The following SHROOM4 variants were observed in gnomAD, a reference collection of about 807,000 sequenced individuals.
SHROOM4 encodes the protein protein Shroom4.
Under a neutral mutation model 80.3 loss-of-function variants are expected in SHROOM4, and 17 were observed. The ratio of observed to expected loss-of-function variants is 0.21; its 90% CI spans 0.14 to 0.32. SHROOM4 has a LOEUF of 0.32. SHROOM4 is among the 10% of genes least tolerant of loss of function. The pLI, the probability that SHROOM4 is intolerant of heterozygous loss-of-function variation, is 1.00. For synonymous variants in SHROOM4, 400 were observed against 437.5 expected (o/e 0.91, Z 1.07); for missense variants, 993 against 1,140.3 (o/e 0.87, Z 1.86).
chrX:50,718,903 C>T (rs1203981947), intron 1 of SHROOM4, among the ~76,000 whole-genome samples: 1 of 111,403 alleles, frequency 9.0e-6, no homozygotes, highest in African/African-American at 3.3e-5. Flanking sequence ...CACATGCATG[C>T]TTGTGTGCAG....
At chrX:50,793,260 T>C (rs1935889334) in intron 1 of SHROOM4, among the ~76,000 whole-genome samples, 1 of 110,024 alleles carries the variant, frequency 9.1e-6, no homozygotes, top group African/African-American at 3.3e-5. Flanking sequence ...GAGAGTAGAA[T>C]GTTGGTTGCC....
rs782153569 is a variant in SHROOM4 at position 50,607,724 on chromosome X, CTT to C, written c.3416_3417del (p.Glu1139GlyfsTer38). On this transcript the variant is annotated frameshift_variant, in exon 6 of 9. Transcript: ENST00000376020. LOFTEE classifies it high-confidence loss of function. ...TCCTCTTCCTCTTCCTCTTCTTCTT[CTT>C]CTTCCTCCTCCTCCTCCTCCTCCTG... ...KQQEEEEEEEEEEEEEEEEEE... is the reference protein window; with the variant it reads ...KQQEEEEEEEXEEEEEEEEEE... 1.3e-5 allele frequency: 15 copies of C among 1,175,372 alleles called. No individual in the cohort carries two copies. Among genetic ancestry groups the C allele is most frequent in the Middle Eastern group, 2.4e-4 (1 of 4,143 alleles).
Position 50,695,776 on chromosome X carries a change from T to C in SHROOM4, c.269+10A>G, listed in dbSNP as rs1933351789. On this transcript the variant is annotated intron_variant, in intron 2 of 8. Transcript: ENST00000376020. Reference sequence around the variant, plus strand: ...CTCTGCACCTTACGGAGAATCTCCCTGTACCTTACCTCCTGACAATCAGCT... The same window carrying C: ...CTCTGCACCTTACGGAGAATCTCCCCGTACCTTACCTCCTGACAATCAGCT... 1.7e-6 allele frequency: 2 copies of C among 1,211,642 alleles called. No individual in the cohort carries two copies. The highest frequency in any genetic ancestry group is 2.2e-6 in the Non-Finnish European group (2 of 895,236).
chrX:50,686,562 A>G (rs1014913691), intron 2 of SHROOM4, among the ~76,000 whole-genome samples: 6 of 111,653 alleles, frequency 5.4e-5, no homozygotes, highest in South Asian at 3.7e-4. Context: ...TGCTTAGCAC[A>G]TAGTTTTCAA....
chrX:50,814,053 T>G lies in SHROOM4; in HGVS notation c.-35A>C, dbSNP rs2147762198. ...GGCTCAGGCGCCGCCGGGCTCCTTT[T>G]CCGAGGGGGCTACGTTGCCTCCGCC... On this transcript the variant is annotated 5_prime_UTR_variant, in exon 1 of 9. Transcript: ENST00000376020. 1 of 1,047,678 alleles carries G rather than the reference T, an allele frequency of 9.5e-7. No homozygotes were observed. The highest frequency in any genetic ancestry group is 1.9e-5 in the South Asian group (1 of 51,996). 86.3% of individuals were successfully genotyped at this position (1,047,678 alleles called of 1,213,427 possible). A position where few individuals can be genotyped will look rare whatever the true frequency, so the allele number is the denominator to read the frequency against.
chrX:50,811,001 C>A (rs782235842), intron 1 of SHROOM4, among the ~76,000 whole-genome samples: 1 of 111,997 alleles, frequency 8.9e-6, no homozygotes, highest in East Asian at 2.8e-4. Context: ...GAGAAGAGAG[C>A]CAGAGCTAGC....
chrX:50,609,665 A>ATG (rs3078713), intron 5 of SHROOM4, among the ~76,000 whole-genome samples: 1,138 of 88,254 alleles, frequency 0.013, 12 homozygotes, highest in Middle Eastern at 0.066. Flanking sequence ...AGTCATGGAT[A>ATG]TGTGTGTGTG....
intron 1 of SHROOM4, among the ~76,000 whole-genome samples, chrX:50,716,132 C>T (rs1557264802): frequency 1.0e-5 from 1 of 96,389 alleles, no homozygotes; most frequent in Non-Finnish European, 2.0e-5. Flanking sequence ...TGATTTCACT[C>T]ATGTGAGAGC....
At chrX:50,757,139 T>C (rs1557268440) in intron 1 of SHROOM4, among the ~76,000 whole-genome samples, 2 of 112,399 alleles carry the variant, frequency 1.8e-5, no homozygotes, top group Non-Finnish European at 3.8e-5. Flanking sequence ...CTTAGGTATA[T>C]GGTACACTTT....
At chrX:50,792,444 T>G (rs1433056954) in intron 1 of SHROOM4, among the ~76,000 whole-genome samples, 1 of 108,939 alleles carries the variant, frequency 9.2e-6, no homozygotes, top group Admixed American at 9.8e-5. Context: ...CAGCAGAGGT[T>G]ACAGTGAGCT....
chrX:50,770,947 C>G (rs1935382716), intron 1 of SHROOM4, among the ~76,000 whole-genome samples: 1 of 111,451 alleles, frequency 9.0e-6, no homozygotes, highest in South Asian at 3.9e-4. Flanking sequence ...ACACACACTT[C>G]CCCCTACTCA....
chrX:50,714,826 G>C (rs1557264681), intron 1 of SHROOM4, among the ~76,000 whole-genome samples: 1 of 111,632 alleles, frequency 9.0e-6, no homozygotes, highest in East Asian at 2.8e-4. Flanking sequence ...GCAATTCCCA[G>C]AGGATATGCT....
At chrX:50,621,700 T>G (rs1342650774) in intron 5 of SHROOM4, among the ~76,000 whole-genome samples, 5 of 112,244 alleles carry the variant, frequency 4.5e-5, no homozygotes, top group Non-Finnish European at 9.4e-5. Context: ...GTTATACTTG[T>G]GACAAATCCT....
intron 1 of SHROOM4, among the ~76,000 whole-genome samples, chrX:50,697,586 TA>T (rs1358576632): frequency 2.7e-5 from 3 of 110,438 alleles, no homozygotes; most frequent in Admixed American, 9.5e-5. Flanking sequence ...AACTTTTTTT[TA>T]AAAAAATTAA....
At chrX:50,791,033 G>A (rs1163065390) in intron 1 of SHROOM4, among the ~76,000 whole-genome samples, 1 of 110,785 alleles carries the variant, frequency 9.0e-6, no homozygotes, top group African/African-American at 3.3e-5. Context: ...GATCTTGTAT[G>A]TTGTCAGATA....
At chrX:50,603,956 T>C (rs1168411691) in intron 6 of SHROOM4, among the ~76,000 whole-genome samples, 2 of 111,909 alleles carry the variant, frequency 1.8e-5, no homozygotes, top group African/African-American at 3.3e-5. Flanking sequence ...CACCTGTCTG[T>C]GTCACTACCC....
intron 2 of SHROOM4, among the ~76,000 whole-genome samples, chrX:50,691,232 GT>G (rs1251712459): frequency 9.1e-6 from 1 of 109,295 alleles, no homozygotes; most frequent in Non-Finnish European, 1.9e-5. Context: ...TGGATGCCAT[GT>G]TTTTTGCAAA....
At chrX:50,731,855 C>A (rs964650128) in intron 1 of SHROOM4, among the ~76,000 whole-genome samples, 1 of 111,542 alleles carries the variant, frequency 9.0e-6, no homozygotes, top group Non-Finnish European at 1.9e-5. Flanking sequence ...CCTAAAAACA[C>A]TCTAAAAAAA....
intron 2 of SHROOM4, among the ~76,000 whole-genome samples, chrX:50,650,808 A>AT (rs1172570870): frequency 8.9e-6 from 1 of 112,335 alleles, no homozygotes; most frequent in Non-Finnish European, 1.9e-5. Flanking sequence ...AAAGATCTAG[A>AT]TTTTTCCCTC....
Sources: gnomAD v4.1 joint callset for allele counts (sites outside exome capture counted in the v4.1 genomes callset) on GRCh38, gnomAD v4.1.1 for gene constraint, MANE v1.5 for transcripts, NCBI Gene and HGNC (gene_info 2026-07-23, HGNC 2026-07-21) for gene names.